The following RPL31 variants were observed in gnomAD, a reference collection of about 807,000 sequenced individuals.
RPL31 encodes ribosomal protein L31.
For missense variants in RPL31, 95 were observed against 164.0 expected (o/e 0.58, Z 2.30); for synonymous variants, 51 against 55.0 (o/e 0.93, Z 0.32).
chr2:101,010,884 A>G (rs538873094), downstream of RPL31: 1 of 1,310,088 alleles, frequency 7.6e-7, no homozygotes, highest in Admixed American at 2.1e-5. Flanking sequence ...TCCATCTCAA[A>G]AAAAAAAAAA....
At chr2:101,007,913 T>G (rs1440061282), downstream of RPL31, 1 of 1,614,050 alleles carries the variant, frequency 6.2e-7, no homozygotes, top group South Asian at 1.1e-5. Context: ...TTTTCAAGTT[T>G]GGATTTCATG....
downstream of RPL31, among the ~76,000 whole-genome samples, chr2:101,008,561 T>TCC (rs1414151198): frequency 1.3e-5 from 2 of 152,130 alleles, no homozygotes; most frequent in Non-Finnish European, 2.9e-5. Context: ...CCGCCTGTAA[T>TCC]CCCAGCACTG....
At chr2:101,006,092 A>C in intron 4 of RPL31, 21 bp downstream of exon 4, 1 of 1,608,886 alleles carries the variant, frequency 6.2e-7, no homozygotes, top group Non-Finnish European at 8.5e-7. Context: ...CATCCCATAA[A>C]GCCATTTAAA....
chr2:101,007,812 G>GCTGT (rs767976406), downstream of RPL31: 6 of 1,611,918 alleles, frequency 3.7e-6, no homozygotes, highest in South Asian at 6.6e-5. Flanking sequence ...CATAGCAGCT[G>GCTGT]CTGTCTTGCT....
downstream of RPL31, among the ~76,000 whole-genome samples, chr2:101,010,528 G>C (rs1043150606): frequency 1.3e-5 from 2 of 151,774 alleles, no homozygotes. Context: ...ATGATGTTCC[G>C]CTACCTGGAC....
At chr2:101,013,288 A>G (rs888614983) in intron 4 of RPL31, among the ~76,000 whole-genome samples, 1 of 152,126 alleles carries the variant, frequency 6.6e-6, no homozygotes, top group Non-Finnish European at 1.5e-5. Flanking sequence ...GATGATCAGA[A>G]GGATAGGATA....
Position 101,006,387 on chromosome 2 carries a change from G to C in RPL31, c.*6G>C, listed in dbSNP as rs540533117. The C allele has an allele frequency of 1.2e-6, 2 of 1,607,368 alleles. No individual in the cohort carries two copies. The highest frequency in any genetic ancestry group is 2.2e-5 in the East Asian group (1 of 44,798). On this transcript the variant is annotated 3_prime_UTR_variant, in exon 5 of 5. Transcript: ENST00000264258. ...TCAATGTGGATGAGAACTAATCGCT[G>C]ATCGTCAGATCAAATAAAGTTATAA...
downstream of RPL31, chr2:101,010,926 T>C (rs199660471): frequency 7.7e-5 from 123 of 1,603,678 alleles, no homozygotes; most frequent in Non-Finnish European, 1.0e-4. Flanking sequence ...AGAAAGTCCA[T>C]ACCTGGCTCA....
At chr2:101,009,121 C>T (rs1199625324), downstream of RPL31, among the ~76,000 whole-genome samples, 4 of 152,002 alleles carry the variant, frequency 2.6e-5, no homozygotes, top group Non-Finnish European at 4.4e-5. Flanking sequence ...TGGCCGGGTG[C>T]GGTGGCTCAT....
At chr2:101,009,458 A>T (rs1484204080), downstream of RPL31, among the ~76,000 whole-genome samples, 1 of 151,756 alleles carries the variant, frequency 6.6e-6, no homozygotes, top group Non-Finnish European at 1.5e-5. Flanking sequence ...ACAAATATTT[A>T]TTTGGGGGAA....
At chr2:101,017,666 A>G (rs1218721145) in intron 4 of RPL31, among the ~76,000 whole-genome samples, 2 of 152,234 alleles carry the variant, frequency 1.3e-5, no homozygotes, top group Admixed American at 1.3e-4. Flanking sequence ...TGTATTTCCA[A>G]TTGTACTACA....
chr2:101,016,670 A>G (rs1453039364), intron 4 of RPL31, among the ~76,000 whole-genome samples: 1 of 152,220 alleles, frequency 6.6e-6, no homozygotes, highest in Non-Finnish European at 1.5e-5. Flanking sequence ...ACTTGGAACC[A>G]ACCCAAATGT....
At chr2:101,016,345 A>G (rs1166518054) in intron 4 of RPL31, among the ~76,000 whole-genome samples, 3 of 151,560 alleles carry the variant, frequency 2.0e-5, no homozygotes, top group Non-Finnish European at 3.0e-5. Flanking sequence ...ACTGGCCATC[A>G]GAGAAATGCA....
chr2:101,010,870 A>C (rs1679154794), downstream of RPL31: 1 of 1,420,764 alleles, frequency 7.0e-7, no homozygotes, highest in Non-Finnish European at 9.8e-7. Flanking sequence ...CGACAGAGCG[A>C]GACTCCATCT....
chr2:101,002,604 C>T (rs1434455488), intron 1 of RPL31, 98 bp from the exon 2 acceptor site: 6 of 1,035,634 alleles, frequency 5.8e-6, no homozygotes, highest in African/African-American at 1.6e-5. Context: ...CTCTCAGCAC[C>T]TGGAAGCGCC....
chr2:101,017,711 C>T lies in RPL31; in HGVS notation c.347-1287C>T, dbSNP rs971429369. 8 of 784,278 alleles carry T rather than the reference C, an allele frequency of 1.0e-5. No individual in the cohort carries two copies. The Admixed American group carries it at 1.9e-4, about 18-fold the overall frequency. 48.6% of individuals were successfully genotyped at this position (784,278 alleles called of 1,614,324 possible). ...AAAGCAGATCATTCTAACAGATATC[C>T]ATGGTACATCACTTTATCACAGGCA... On this transcript the variant is annotated intron_variant, in intron 4 of 4. Transcript: ENST00000409028.
chr2:101,008,555 C>T (rs1678925690), downstream of RPL31, among the ~76,000 whole-genome samples: 1 of 152,166 alleles, frequency 6.6e-6, no homozygotes, highest in Non-Finnish European at 1.5e-5. Flanking sequence ...TGGCTCCCGC[C>T]TGTAATCCCA....
chr2:101,008,148 C>G (rs374713421), downstream of RPL31: 7 of 1,613,760 alleles, frequency 4.3e-6, no homozygotes, highest in African/African-American at 9.3e-5. Flanking sequence ...TGCTGCCTCG[C>G]TGCCCCACCT....
chr2:101,010,852 A>T, downstream of RPL31: 1 of 1,281,730 alleles, frequency 7.8e-7, no homozygotes, highest in Non-Finnish European at 1.1e-6. Flanking sequence ...ACTGTACTCC[A>T]GCCTGGGCGA....
Sources: allele counts gnomAD v4.1 joint callset (sites outside exome capture counted in the v4.1 genomes callset), GRCh38; gene constraint gnomAD v4.1.1; transcripts MANE v1.5; gene names NCBI Gene and HGNC (gene_info 2026-07-23, HGNC 2026-07-21).